The following CDKL4 variants were observed in gnomAD, a reference collection of about 807,000 sequenced individuals.
CDKL4 encodes cyclin dependent kinase like 4, also known as cyclin-dependent kinase-like 4.
In CDKL4, 44 loss-of-function variants were observed where a neutral mutation model predicts 42.0. The observed-to-expected ratio is 1.05, with a 90% CI of 0.82 to 1.35. The LOEUF (loss-of-function observed/expected upper bound fraction) is 1.35, where lower values mean the gene tolerates loss of function less well. CDKL4 is among the 40% of genes most tolerant of loss of function. CDKL4 has a pLI of 0.00. For missense variants in CDKL4, 393 were observed against 369.9 expected, an observed-to-expected ratio of 1.06 and a Z score of -0.51; for synonymous variants, 120 against 121.6, an observed-to-expected ratio of 0.99 and a Z score of 0.09.
At chr2:39,184,722 A>ATGTGTGTGTG in intron 7 of CDKL4, 75 bp from the exon 8 acceptor site, 1 of 760,152 alleles carries the variant, frequency 1.3e-6, no homozygotes, top group Non-Finnish European at 2.2e-6. Context: ...GTGCGTATGT[A>ATGTGTGTGTG]TGTGTGTGTG....
At chr2:39,183,562 C>T (rs1341348606) in intron 8 of CDKL4, among the ~76,000 whole-genome samples, 1 of 152,146 alleles carries the variant, frequency 6.6e-6, no homozygotes, top group Admixed American at 6.6e-5. Context: ...TCCAGGGAAC[C>T]ACAGGTTGTC....
intron 3 of CDKL4, among the ~76,000 whole-genome samples, chr2:39,220,990 T>TTTTTTTTTG (rs1678300097): frequency 4.0e-4 from 18 of 45,262 alleles, no homozygotes; most frequent in African/African-American, 7.5e-4. Flanking sequence ...TTTTTTTTTT[T>TTTTTTTTTG]TTTTTTTTTT....
At chr2:39,217,021 AC>A (rs1164824638) in intron 3 of CDKL4, among the ~76,000 whole-genome samples, 1 of 152,082 alleles carries the variant, frequency 6.6e-6, no homozygotes, top group Non-Finnish European at 1.5e-5. Flanking sequence ...AAAGAGAACC[AC>A]AAACCAACAC....
intron 1 of CDKL4, among the ~76,000 whole-genome samples, chr2:39,231,974 C>A (rs1246167176): frequency 6.6e-6 from 1 of 152,114 alleles, no homozygotes; most frequent in South Asian, 2.1e-4. Context: ...TTAATTTAAC[C>A]TACTTGATAA....
chr2:39,212,731 C>A (rs1226888282), intron 4 of CDKL4, among the ~76,000 whole-genome samples: 1 of 152,168 alleles, frequency 6.6e-6, no homozygotes, highest in Non-Finnish European at 1.5e-5. Flanking sequence ...GTGATCTCAG[C>A]TCACTGCAAC....
chr2:39,214,083 C>G (rs955305057), intron 3 of CDKL4, among the ~76,000 whole-genome samples: 1 of 151,854 alleles, frequency 6.6e-6, no homozygotes, highest in Non-Finnish European at 1.5e-5. Flanking sequence ...CCACGATACC[C>G]GGCTAATTTT....
intron 3 of CDKL4, among the ~76,000 whole-genome samples, chr2:39,216,434 C>T (rs989116350): frequency 6.6e-6 from 1 of 152,074 alleles, no homozygotes; most frequent in African/African-American, 2.4e-5. Flanking sequence ...CCTCGGAGAT[C>T]TAGATCTCAA....
chr2:39,181,828 G>C (rs1675454681), intron 8 of CDKL4, among the ~76,000 whole-genome samples: 1 of 152,116 alleles, frequency 6.6e-6, no homozygotes. Flanking sequence ...ACCTTGCCAA[G>C]AGTTTTCAGA....
intron 4 of CDKL4, among the ~76,000 whole-genome samples, chr2:39,206,494 G>A (rs1156999736): frequency 6.6e-6 from 1 of 152,240 alleles, no homozygotes; most frequent in Non-Finnish European, 1.5e-5. Flanking sequence ...GGGCCTGGGT[G>A]AGGGCAGGCT....
intron 5 of CDKL4, among the ~76,000 whole-genome samples, chr2:39,201,087 C>T (rs192697180): frequency 6.6e-6 from 1 of 152,116 alleles, no homozygotes; most frequent in Non-Finnish European, 1.5e-5. Flanking sequence ...GGACTAATAT[C>T]CAGAATCTAC....
At chr2:39,231,147 G>A (rs776893663) in intron 1 of CDKL4, among the ~76,000 whole-genome samples, 52 of 152,316 alleles carry the variant, frequency 3.4e-4, no homozygotes, top group South Asian at 8.3e-4. Context: ...TGGAGGTGGA[G>A]GTTGCAGTGA....
At chr2:39,231,680 A>T (rs781652837) in intron 1 of CDKL4, among the ~76,000 whole-genome samples, 1 of 152,224 alleles carries the variant, frequency 6.6e-6, no homozygotes, top group African/African-American at 2.4e-5. Flanking sequence ...AGATATTTAG[A>T]TGTGAGCATG....
At chr2:39,193,268 G>GT (rs956770184) in intron 5 of CDKL4, among the ~76,000 whole-genome samples, 2 of 139,100 alleles carry the variant, frequency 1.4e-5, no homozygotes, top group East Asian at 2.1e-4. Flanking sequence ...ATCTCTCTCT[G>GT]TTAAAAAAAA....
intron 4 of CDKL4, among the ~76,000 whole-genome samples, chr2:39,208,457 C>T (rs895894895): frequency 6.6e-6 from 1 of 151,940 alleles, no homozygotes; most frequent in Admixed American, 6.6e-5. Flanking sequence ...TCTCCTGCCT[C>T]AGCCTCCTGA....
intron 8 of CDKL4, among the ~76,000 whole-genome samples, chr2:39,183,269 A>C (rs75011688): frequency 0.022 from 2 of 90 alleles, no homozygotes; most frequent in Non-Finnish European, 0.091. Flanking sequence ...CTCTGTCTCA[A>C]AAAAAAAAAA....
intron 5 of CDKL4, among the ~76,000 whole-genome samples, chr2:39,202,188 C>T (rs1392701999): frequency 6.6e-6 from 1 of 152,104 alleles, no homozygotes; most frequent in Non-Finnish European, 1.5e-5. Context: ...GCCGAGATCA[C>T]ACCGCTGCAC....
In CDKL4 at chr2:39,190,480, A is replaced by G. The variant is rs774576363; in HGVS notation, c.477T>C (p.Asp159=). 5 of 1,614,088 alleles carry G rather than the reference A, an allele frequency of 3.1e-6. No homozygotes were observed. The South Asian group carries it at 5.5e-5, about 18-fold the overall frequency. Residue 159 remains aspartate, a synonymous_variant, in exon 6 of 10, where the codon GAT becomes GAC. Transcript: ENST00000451199. Reference sequence around the variant, plus strand: ...CTCGGTACCATCTCGTAGCTACATAATCGGTGTAGGCATCTCCTGGAACTG... The same window carrying G: ...CTCGGTACCATCTCGTAGCTACATAGTCGGTGTAGGCATCTCCTGGAACTG...
chr2:39,200,312 C>A (rs1676772235), intron 5 of CDKL4, among the ~76,000 whole-genome samples: 1 of 152,060 alleles, frequency 6.6e-6, no homozygotes, highest in Non-Finnish European at 1.5e-5. Flanking sequence ...AGGAAAACTA[C>A]AAAACATTGC....
chr2:39,226,020 G>C (rs1678694182), intron 2 of CDKL4, 60 bp from the exon 3 acceptor site: 7 of 1,483,996 alleles, frequency 4.7e-6, no homozygotes, highest in Non-Finnish European at 6.3e-6. Flanking sequence ...CTTCTACCCA[G>C]ACCCCTTAAA....
Sources: gnomAD v4.1 joint callset for allele counts (sites outside exome capture counted in the v4.1 genomes callset) on GRCh38, gnomAD v4.1.1 for gene constraint, MANE v1.5 for transcripts, NCBI Gene and HGNC (gene_info 2026-07-23, HGNC 2026-07-21) for gene names.